Variants in THSD7B observed in about 807,000 individuals in gnomAD.
THSD7B encodes thrombospondin type 1 domain containing 7B.
THSD7B carries 138 observed loss-of-function variants against 213.6 expected under a neutral mutation model. That is an observed-to-expected ratio of 0.65 (90% CI 0.56 to 0.74). The LOEUF (loss-of-function observed/expected upper bound fraction) is 0.74, where lower values mean the gene tolerates loss of function less well. Ranked by LOEUF, THSD7B falls within the 30% of genes least tolerant of loss-of-function variation. The pLI is 0.00. For synonymous variants in THSD7B, 742 were observed against 687.0 expected, an observed-to-expected ratio of 1.08 and a Z score of -1.25; for missense variants, 1,931 against 1,991.5, an observed-to-expected ratio of 0.97 and a Z score of 0.58.
At chr2:137,037,266 G>A (rs1450498352) in intron 2 of THSD7B, among the ~76,000 whole-genome samples, 1 of 152,008 alleles carries the variant, frequency 6.6e-6, no homozygotes, top group Non-Finnish European at 1.5e-5. Flanking sequence ...TGTGAGTACT[G>A]CAAATAGTAC....
intron 5 of THSD7B, among the ~76,000 whole-genome samples, chr2:137,147,151 T>G (rs1679719199): frequency 6.6e-6 from 1 of 152,166 alleles, no homozygotes; most frequent in Non-Finnish European, 1.5e-5. Flanking sequence ...AGCTACTGAT[T>G]TAGAATACTG....
At chr2:137,318,786 C>CTTTTTTTTTTTTTTTTTTT (rs70978212) in intron 12 of THSD7B, among the ~76,000 whole-genome samples, 1 of 73,660 alleles carries the variant, frequency 1.4e-5, no homozygotes, top group Non-Finnish European at 2.2e-5. Flanking sequence ...GAATGCTTAT[C>CTTTTTTTTTTTTTTTTTTT]TTTTTTTTTT....
At chr2:136,802,805 T>A (rs1386771769) in intron 1 of THSD7B, among the ~76,000 whole-genome samples, 1 of 150,924 alleles carries the variant, frequency 6.6e-6, no homozygotes, top group Non-Finnish European at 1.5e-5. Context: ...ACAGAATGGT[T>A]TAGAAATGTG....
chr2:136,805,073 C>T (rs2059733), intron 1 of THSD7B, among the ~76,000 whole-genome samples: 103,366 of 151,528 alleles, frequency 0.68, 35,459 homozygotes, highest in East Asian at 0.81. Flanking sequence ...GGCATAGCTG[C>T]TCTTTCTTTC....
At chr2:137,461,989 T>C (rs1422770941) in intron 15 of THSD7B, among the ~76,000 whole-genome samples, 2 of 152,206 alleles carry the variant, frequency 1.3e-5, no homozygotes, top group South Asian at 2.1e-4. Context: ...CACCAGAGAT[T>C]CTTTAATGAA....
At chr2:137,644,563 A>T (rs897162628) in intron 21 of THSD7B, among the ~76,000 whole-genome samples, 1 of 152,156 alleles carries the variant, frequency 6.6e-6, no homozygotes, top group Non-Finnish European at 1.5e-5. Context: ...CTACATTCCT[A>T]CTTTTCCTGC....
At chr2:137,489,262 T>G (rs551851935) in intron 15 of THSD7B, among the ~76,000 whole-genome samples, 21 of 151,532 alleles carry the variant, frequency 1.4e-4, no homozygotes, top group Non-Finnish European at 2.7e-4. Context: ...CCATCTCTAC[T>G]AAAATACAAA....
At chr2:137,550,789 C>T (rs1680831713) in intron 15 of THSD7B, among the ~76,000 whole-genome samples, 1 of 151,932 alleles carries the variant, frequency 6.6e-6, no homozygotes, top group South Asian at 2.1e-4. Flanking sequence ...TTTTGAGGAC[C>T]TCATGTTTAT....
At chr2:136,935,701 C>T (rs1361656216) in intron 2 of THSD7B, among the ~76,000 whole-genome samples, 2 of 151,928 alleles carry the variant, frequency 1.3e-5, no homozygotes, top group African/African-American at 4.8e-5. Context: ...TTACTGTTCC[C>T]AAAGCCATGA....
chr2:137,170,996 A>G (rs1004011629), intron 7 of THSD7B, 58 bp downstream of exon 7: 3 of 1,536,394 alleles, frequency 2.0e-6, no homozygotes, highest in African/African-American at 2.7e-5. Context: ...CAAATAACAC[A>G]TGACCACCCT....
At chr2:136,990,544 G>A (rs758803913) in intron 2 of THSD7B, among the ~76,000 whole-genome samples, 7 of 152,290 alleles carry the variant, frequency 4.6e-5, no homozygotes, top group South Asian at 4.1e-4. Context: ...ATTACAGGAC[G>A]TGCAGCAGAT....
chr2:137,057,867 A>C (rs1687200566), intron 3 of THSD7B, among the ~76,000 whole-genome samples: 1 of 152,248 alleles, frequency 6.6e-6, no homozygotes, highest in Non-Finnish European at 1.5e-5. Flanking sequence ...CTTAGGTTTC[A>C]AATTTATGCT....
chr2:136,942,806 T>A (rs1277993544), intron 2 of THSD7B, among the ~76,000 whole-genome samples: 1 of 152,184 alleles, frequency 6.6e-6, no homozygotes, highest in Non-Finnish European at 1.5e-5. Flanking sequence ...ACAGGGACAA[T>A]TTGACTTCCT....
chr2:137,448,657 GGA>G, intron 14 of THSD7B, among the ~76,000 whole-genome samples: 1 of 152,082 alleles, frequency 6.6e-6, no homozygotes, highest in East Asian at 1.9e-4. Flanking sequence ...AAATTAGCCG[GGA>G]GCGGTGGCGG....
chr2:137,669,710 G>A (rs1683523042), intron 27 of THSD7B, among the ~76,000 whole-genome samples: 1 of 152,186 alleles, frequency 6.6e-6, no homozygotes. Context: ...TAAAAGCTTA[G>A]ATGAATTCTA....
chr2:137,647,073 T>G (rs1399457043), intron 21 of THSD7B, among the ~76,000 whole-genome samples: 1 of 152,164 alleles, frequency 6.6e-6, no homozygotes, highest in African/African-American at 2.4e-5. Context: ...ACAGCTGCTG[T>G]CACTGTACCC....
chr2:137,188,457 T>A (rs142353483), intron 7 of THSD7B, among the ~76,000 whole-genome samples: 119 of 138,612 alleles, frequency 8.6e-4, no homozygotes, highest in Non-Finnish European at 1.7e-3. Flanking sequence ...GGCCTCCTAA[T>A]GAATAACCTG....
chr2:137,172,271 G>T (rs1680267557), intron 7 of THSD7B, among the ~76,000 whole-genome samples: 1 of 152,136 alleles, frequency 6.6e-6, no homozygotes, highest in African/African-American at 2.4e-5. Flanking sequence ...TGAGTGCAAG[G>T]CCTGCCTTAT....
At chr2:137,092,577 T>C (rs1308840213) in intron 3 of THSD7B, among the ~76,000 whole-genome samples, 1 of 152,196 alleles carries the variant, frequency 6.6e-6, no homozygotes, top group African/African-American at 2.4e-5. Context: ...CTCTGTCTTC[T>C]ATAAATGATC....
Sources: allele counts gnomAD v4.1 joint callset (sites outside exome capture counted in the v4.1 genomes callset), GRCh38; gene constraint gnomAD v4.1.1; transcripts MANE v1.5; gene names NCBI Gene and HGNC (gene_info 2026-07-23, HGNC 2026-07-21).